The following PTPRG variants were observed in gnomAD, a reference collection of about 807,000 sequenced individuals.
PTPRG encodes the protein receptor-type tyrosine-protein phosphatase gamma.
A neutral mutation model predicts 165.3 loss-of-function variants in PTPRG; 102 were observed. The ratio of observed to expected loss-of-function variants is 0.62; its 90% confidence interval spans 0.53 to 0.73. The LOEUF (loss-of-function observed/expected upper bound fraction) is 0.73, where lower values mean the gene tolerates loss of function less well. Among genes scored for constraint, PTPRG ranks in the 30% least tolerant of loss-of-function variants. The pLI is 0.00. For synonymous variants in PTPRG, 675 were observed against 669.5 expected (o/e 1.01, Z -0.13); for missense variants, 1,866 against 1,861.4 (o/e 1.00, Z -0.05).
chr3:61,763,223 C>T (rs538405218), intron 2 of PTPRG, among the ~76,000 whole-genome samples: 1 of 152,086 alleles, frequency 6.6e-6, no homozygotes, highest in Admixed American at 6.6e-5. Flanking sequence ...CCTATACCTA[C>T]CCTTGTCATC....
chr3:61,987,049 C>CT (rs1243427047), intron 2 of PTPRG, among the ~76,000 whole-genome samples: 4 of 152,042 alleles, frequency 2.6e-5, no homozygotes, highest in African/African-American at 9.7e-5. Context: ...TGTCTTAACA[C>CT]TGAAGAGATT....
chr3:61,750,403 G>A (rs1309868801), intron 2 of PTPRG: 1 of 152,172 alleles, frequency 6.6e-6, no homozygotes, highest in Non-Finnish European at 1.5e-5. Context: ...AGAGATGAAA[G>A]CCCTTAAACT....
chr3:62,042,393 G>T (rs569837204), intron 4 of PTPRG, among the ~76,000 whole-genome samples: 4 of 152,292 alleles, frequency 2.6e-5, no homozygotes, highest in African/African-American at 9.6e-5. Context: ...TTTCTACAGC[G>T]TGTCTTTGTT....
At chr3:62,118,819 A>G (rs73094500) in intron 5 of PTPRG, among the ~76,000 whole-genome samples, 3 of 152,270 alleles carry the variant, frequency 2.0e-5, no homozygotes, top group Non-Finnish European at 4.4e-5. Flanking sequence ...GATTAAAGTC[A>G]CTTACCTCAG....
chr3:62,271,685 G>A lies in PTPRG; in HGVS notation c.3182+130G>A, dbSNP rs1464358485. On this transcript the variant is annotated intron_variant, in intron 21 of 29. Coordinates refer to ENST00000474889, the MANE Select transcript of PTPRG (RefSeq NM_002841.4). This position sits in a 1 kb window ranked among gnomAD's most constrained non-coding sequence, Gnocchi z 4.1. ...TTCCACTGGAAACTGGGATGGATAA[G>A]ACCTATGATAGTCTTAAAGAGGCTC... is the stretch of plus-strand genomic sequence containing the variant. 12 of 740,988 alleles carry A rather than the reference G, an allele frequency of 1.6e-5. No individual in the cohort carries two copies. The highest frequency in any genetic ancestry group is 2.5e-5 in the Non-Finnish European group (12 of 483,312). The allele number at this position is 740,988 out of a possible 1,614,324, so 45.9% of individuals were successfully genotyped here.
At chr3:62,212,025 G>A (rs1238772224) in intron 12 of PTPRG, among the ~76,000 whole-genome samples, 1 of 151,638 alleles carries the variant, frequency 6.6e-6, no homozygotes, top group Admixed American at 6.6e-5. Context: ...GCTGGGTGCT[G>A]AAATAAAGAC....
chr3:61,725,128 C>A (rs2032203968), intron 1 of PTPRG, among the ~76,000 whole-genome samples: 1 of 151,922 alleles, frequency 6.6e-6, no homozygotes, highest in East Asian at 1.9e-4. Context: ...ATGTACAATC[C>A]ATTTTGAGTT....
intron 2 of PTPRG, among the ~76,000 whole-genome samples, chr3:61,840,790 T>TG (rs1393814528): frequency 1.6e-3 from 224 of 140,604 alleles, no homozygotes; most frequent in African/African-American, 5.7e-3. Flanking sequence ...TTGTTTTTTT[T>TG]TTTTTTTTTT....
chr3:62,271,560 G>A lies in PTPRG; in HGVS notation c.3182+5G>A. 1 of 1,610,080 alleles carries A rather than the reference G, an allele frequency of 6.2e-7. No individual in the cohort carries two copies. Among genetic ancestry groups the A allele is most frequent in the Non-Finnish European group, 8.5e-7 (1 of 1,178,100 alleles). On this transcript the variant is annotated splice_donor_5th_base_variant and intron_variant, in intron 21 of 29. Transcript: ENST00000474889. This position sits in a 1 kb window ranked among gnomAD's most constrained non-coding sequence, Gnocchi z 4.1. The stretch of plus-strand genomic sequence containing the variant: ...CCCTGTGTTGGTGCACTGCAGGTAG[G>A]GTCTAGGATTCAACATGTGAAATAG...
At chr3:61,737,704 G>T (rs1032382632) in intron 1 of PTPRG, among the ~76,000 whole-genome samples, 4 of 152,036 alleles carry the variant, frequency 2.6e-5, no homozygotes, top group African/African-American at 7.3e-5. Flanking sequence ...GGGTGTCATG[G>T]TTGGAGTGTC....
chr3:62,252,009 C>G lies in PTPRG; in HGVS notation c.2468-3115C>G, dbSNP rs1701428740. On this transcript the variant is annotated intron_variant, in intron 15 of 29. Transcript: ENST00000474889. The surrounding 1 kb of genome is among the most constrained non-coding windows in gnomAD (Gnocchi z 4.6). ...TTTCCTCTCATTCTACCAGCTTTAT[C>G]ATTATCCTGCTTTTGTTATACCATA... is the stretch of plus-strand genomic sequence containing the variant. Among the ~76,000 whole-genome samples the G allele has an allele frequency of 6.6e-6, 1 of 152,142 alleles. No homozygotes were observed.
intron 1 of PTPRG, among the ~76,000 whole-genome samples, chr3:61,684,742 A>G (rs1703566282): frequency 6.6e-6 from 1 of 152,230 alleles, no homozygotes; most frequent in South Asian, 2.1e-4. Flanking sequence ...GCAAATGTGG[A>G]TTAATGTAGA....
rs140157560 is a variant in PTPRG at position 61,930,662 on chromosome 3, C to T, written c.191-58963C>T. On this transcript the variant is annotated intron_variant, in intron 2 of 29. Coordinates refer to ENST00000474889, the MANE Select transcript of PTPRG (RefSeq NM_002841.4). ...AGTTGTTCTTTTTTGTGGAGTCAAGCGTCATTGTGGCATCCTCTATGGGTG... is the reference window on the plus strand; with the variant it reads ...AGTTGTTCTTTTTTGTGGAGTCAAGTGTCATTGTGGCATCCTCTATGGGTG... Among the ~76,000 whole-genome samples the T allele has an allele frequency of 9.1e-3, 1,381 of 152,236 alleles. 10 individuals carry two copies. Among genetic ancestry groups the T allele is most frequent in the Non-Finnish European group, 0.014 (944 of 68,008 alleles).
chr3:61,869,955 T>C (rs376749601), intron 2 of PTPRG, among the ~76,000 whole-genome samples: 2 of 152,138 alleles, frequency 1.3e-5, no homozygotes, highest in East Asian at 3.9e-4. Context: ...GATTCGACTC[T>C]CATCCTATAT....
chr3:61,960,898 C>T (rs2040138124), intron 2 of PTPRG, among the ~76,000 whole-genome samples: 1 of 152,116 alleles, frequency 6.6e-6, no homozygotes, highest in Admixed American at 6.6e-5. Context: ...ATTATAGAGA[C>T]TGGGCTCAAA....
At chr3:61,812,455 A>T (rs2035614125) in intron 2 of PTPRG, among the ~76,000 whole-genome samples, 1 of 152,216 alleles carries the variant, frequency 6.6e-6, no homozygotes, top group Admixed American at 6.5e-5. Flanking sequence ...TGGTGTAATG[A>T]AAACCCACCA....
chr3:62,253,798 A>T (rs369092537), intron 15 of PTPRG, among the ~76,000 whole-genome samples: 2 of 152,168 alleles, frequency 1.3e-5, no homozygotes, highest in Middle Eastern at 3.2e-3. Context: ...AATTTTTTTC[A>T]TAAGGTTGCC....
intron 1 of PTPRG, among the ~76,000 whole-genome samples, chr3:61,563,196 G>A (rs935582693): frequency 2.6e-5 from 4 of 152,000 alleles, no homozygotes; most frequent in Admixed American, 1.3e-4. Flanking sequence ...TCGCGCCGGG[G>A]CTGATTTTTT....
intron 2 of PTPRG, among the ~76,000 whole-genome samples, chr3:61,882,172 A>G (rs1183005929): frequency 6.6e-6 from 1 of 152,226 alleles, no homozygotes; most frequent in African/African-American, 2.4e-5. Flanking sequence ...ATCACTGGGC[A>G]TTTTGAAATA....
Sources: allele counts gnomAD v4.1 joint callset (sites outside exome capture counted in the v4.1 genomes callset), GRCh38; gene constraint gnomAD v4.1.1; non-coding constraint Gnocchi (gnomAD v3.1); transcripts MANE v1.5; gene names NCBI Gene and HGNC (gene_info 2026-07-23, HGNC 2026-07-21).